Variants in FANCA observed in about 807,000 individuals in gnomAD.
FANCA encodes the protein FA complementation group A, also known as Fanconi anemia group A protein.
In FANCA, 236 loss-of-function variants were observed where a neutral mutation model predicts 194.3. The ratio of observed to expected loss-of-function variants is 1.21; its 90% confidence interval spans 1.09 to 1.35. The LOEUF (loss-of-function observed/expected upper bound fraction) is 1.35. FANCA is among the 40% of genes most tolerant of loss of function. The pLI is 0.00. For synonymous variants in FANCA, 1,014 were observed against 715.8 expected, an observed-to-expected ratio of 1.42 and a Z score of -6.65; for missense variants, 2,628 against 1,813.9, an observed-to-expected ratio of 1.45 and a Z score of -8.15.
intron 18 of FANCA, among the ~76,000 whole-genome samples, chr16:89,779,612 C>G (rs2039632466): frequency 6.6e-6 from 1 of 152,214 alleles, no homozygotes; most frequent in Non-Finnish European, 1.5e-5. Context: ...TGACCTCACC[C>G]CGTATCCCTT....
chr16:89,782,691 G>A (rs569747567), intron 17 of FANCA, among the ~76,000 whole-genome samples, 168 bp downstream of exon 17: 1 of 152,216 alleles, frequency 6.6e-6, no homozygotes, highest in South Asian at 2.1e-4. Context: ...CACAAGGTGG[G>A]ACACAGCAAC....
chr16:89,762,118 G>A, intron 28 of FANCA, 96 bp from the exon 29 acceptor site: 1 of 894,288 alleles, frequency 1.1e-6, no homozygotes, highest in East Asian at 2.4e-5. Flanking sequence ...CTCATACGCA[G>A]TCCTCCATGT....
rs1160740989 is a variant in FANCA at position 89,810,048 on chromosome 16, C to T, written c.522+659G>A. Among the ~76,000 whole-genome samples, 5 of 151,334 alleles carry T rather than the reference C, an allele frequency of 3.3e-5. No individual in the cohort carries two copies. The East Asian group carries it at 7.8e-4, about 24-fold the overall frequency. ...CTCAAAAATAAAAATAAATGCCAGG[C>T]GCGGTGGCTCACACTTGTAATCCCA... On this transcript the variant is annotated intron_variant, in intron 5 of 42. Transcript: ENST00000389301.
rs769203048 is a variant in FANCA at position 89,791,419 on chromosome 16, T to C, written c.1343A>G (p.Tyr448Cys). 3 of 1,614,134 alleles carry C rather than the reference T, an allele frequency of 1.9e-6. No homozygotes were observed. The highest frequency in any genetic ancestry group is 1.7e-5 in the Admixed American group (1 of 60,016). ...ALEGPSAFLSYADWFKASFGS... is the reference protein window; with the variant it reads ...ALEGPSAFLSCADWFKASFGS... ...GTCACTTACCTTGAACCAGTCTGCA[T>C]ATGACAGGAACGCAGAGGGGCCCTC... The change falls in exon 14 of 43, where the codon TAT becomes TGT. Residue 448 changes from tyrosine (Y) to cysteine (C), a missense_variant. Coordinates refer to ENST00000389301, the MANE Select transcript of FANCA (RefSeq NM_000135.4).
chr16:89,755,995 A>G (rs905551221), intron 30 of FANCA, among the ~76,000 whole-genome samples: 7 of 152,236 alleles, frequency 4.6e-5, no homozygotes, highest in African/African-American at 1.4e-4. Context: ...ATAAACCGGC[A>G]TAGCATGTAA....
chr16:89,773,858 C>T (rs1041229661), intron 21 of FANCA, among the ~76,000 whole-genome samples: 20 of 151,494 alleles, frequency 1.3e-4, no homozygotes, highest in Non-Finnish European at 1.9e-4. Context: ...CTGTAACCTC[C>T]GCCTCCCGGG....
intron 30 of FANCA, among the ~76,000 whole-genome samples, chr16:89,757,442 C>T (rs2038803953): frequency 6.6e-6 from 1 of 152,196 alleles, no homozygotes; most frequent in East Asian, 1.9e-4. Context: ...TGTGCTACAA[C>T]ACAGATGAGC....
chr16:89,764,139 G>A (rs552671748), intron 28 of FANCA, among the ~76,000 whole-genome samples: 3 of 152,022 alleles, frequency 2.0e-5, no homozygotes, highest in African/African-American at 7.2e-5. Context: ...CTACTGGAGA[G>A]GCTGAGGCAT....
chr16:89,746,985 A>G (rs1028693100), intron 33 of FANCA, 95 bp from the exon 34 acceptor site: 2 of 1,208,414 alleles, frequency 1.7e-6, no homozygotes, highest in Non-Finnish European at 2.4e-6. Flanking sequence ...TTTGAGAAAA[A>G]CACTCGCTAA....
chr16:89,762,577 A>AG lies in FANCA; in HGVS notation c.2779-556_2779-555insC, dbSNP rs529233162. The AG allele has an allele frequency of 1.1e-4, 25 of 223,162 alleles. No individual in the cohort carries two copies. In the East Asian group the frequency reaches 3.3e-3, roughly 29 times the overall value. 13.8% of individuals were successfully genotyped at this position (223,162 alleles called of 1,614,324 possible). A position where few individuals can be genotyped will look rare whatever the true frequency, so the allele number is the denominator to read the frequency against. ...GAACTATCTATAAAAAGGAAAAAAAAAAAAAAGAAAAAAGAAACTAACAAA... is the reference window on the plus strand; with the variant it reads ...GAACTATCTATAAAAAGGAAAAAAAAGAAAAAAGAAAAAAGAAACTAACAAA... On this transcript the variant is annotated intron_variant, in intron 28 of 42. Coordinates refer to ENST00000389301, the MANE Select transcript of FANCA (RefSeq NM_000135.4).
At chr16:89,815,144 C>G (rs900433675) in intron 2 of FANCA, among the ~76,000 whole-genome samples, 9 of 151,936 alleles carry the variant, frequency 5.9e-5, no homozygotes, top group African/African-American at 1.9e-4. Context: ...TCAAGCGATT[C>G]TCCTGCCTCA....
chr16:89,792,521 C>T lies in FANCA; in HGVS notation c.1033G>A (p.Glu345Lys), dbSNP rs758168558. ...GGGTGTGTCCGCGCAAAGCTCCACT[C>T]TCTCTGCATCTGAACAGCATCAGAT... is the stretch of plus-strand genomic sequence containing the variant. ...KASDAVQMQR[E>K]WSFARTHPLL... Residue 345 changes from glutamate to lysine, a missense_variant, in exon 12 of 43, where the codon GAG (glutamate) becomes AAG (lysine). Physicochemically the swap from Glu to Lys is moderately conservative, Grantham distance 56. Coordinates refer to ENST00000389301, the MANE Select transcript of FANCA (RefSeq NM_000135.4). 23 of 1,613,448 alleles carry T rather than the reference C, an allele frequency of 1.4e-5. No homozygotes were observed. The highest frequency in any genetic ancestry group is 1.9e-5 in the Non-Finnish European group (22 of 1,180,008).
intron 23 of FANCA, among the ~76,000 whole-genome samples, chr16:89,771,155 C>CAAAAAAAAAAAAAAAAAAAAA (rs34471552): frequency 1.2e-4 from 7 of 56,646 alleles, no homozygotes; most frequent in African/African-American, 5.1e-4. Flanking sequence ...AAGACTCAGT[C>CAAAAAAAAAAAAAAAAAAAAA]AAAAAAAAAA....
chr16:89,761,862 G>A, intron 29 of FANCA, 87 bp downstream of exon 29: 1 of 1,052,110 alleles, frequency 9.5e-7, no homozygotes, highest in South Asian at 1.3e-5. Flanking sequence ...CTGGATTCAA[G>A]AGATCTCCTG....
chr16:89,792,435 G>C (rs17232553), intron 12 of FANCA, 36 bp downstream of exon 12: 7 of 1,597,040 alleles, frequency 4.4e-6, no homozygotes, highest in Non-Finnish European at 6.0e-6. Flanking sequence ...CCCCCGCCAC[G>C]AGCTCAGAAG....
chr16:89,746,609 C>T lies in FANCA; in HGVS notation c.3488G>A (p.Cys1163Tyr). Reference protein sequence around the residue: ...DFILAKCQTKCPLILTSALVW... With the variant: ...DFILAKCQTKYPLILTSALVW... Reference sequence around the variant, plus strand: ...CAGAGCAGAGGTCAAAATTAAGGGGCATTTCGTCTGGCACTTGGCCAGTAT... The same window carrying T: ...CAGAGCAGAGGTCAAAATTAAGGGGTATTTCGTCTGGCACTTGGCCAGTAT... The change falls in exon 35 of 43, where the codon TGC (cysteine) becomes TAC (tyrosine). Residue 1163 changes from cysteine to tyrosine, a missense_variant. By Grantham distance (194) the Cys-to-Tyr change is radical. Coordinates refer to ENST00000389301, the MANE Select transcript of FANCA (RefSeq NM_000135.4). 6.2e-7 allele frequency: 1 copy of T among 1,614,142 alleles called. No homozygotes were observed. Among genetic ancestry groups the T allele is most frequent in the Non-Finnish European group, 8.5e-7 (1 of 1,180,022 alleles).
At chr16:89,798,668 C>A in intron 10 of FANCA, 3 of 1,256,774 alleles carry the variant, frequency 2.4e-6, no homozygotes, top group South Asian at 3.5e-5. Context: ...CTCCGCACAT[C>A]TCCACAGAGC....
chr16:89,796,797 C>T (rs1273645812), intron 10 of FANCA, among the ~76,000 whole-genome samples: 1 of 151,506 alleles, frequency 6.6e-6, no homozygotes, highest in Non-Finnish European at 1.5e-5. Context: ...CTGAGGCGGG[C>T]AGATCACAAG....
chr16:89,775,017 C>T (rs920281029), intron 21 of FANCA, among the ~76,000 whole-genome samples: 2 of 151,844 alleles, frequency 1.3e-5, no homozygotes, highest in African/African-American at 4.8e-5. Context: ...CTGCTTGAAC[C>T]CAGGGGGCAG....
Sources: gnomAD v4.1 joint callset for allele counts (sites outside exome capture counted in the v4.1 genomes callset) on GRCh38, gnomAD v4.1.1 for gene constraint, MANE v1.5 for transcripts, NCBI Gene and HGNC (gene_info 2026-07-23, HGNC 2026-07-21) for gene names.